Variants in ADGRL2 observed in about 807,000 individuals in gnomAD.
ADGRL2 encodes adhesion G protein-coupled receptor L2.
In ADGRL2, 44 loss-of-function variants were observed where a neutral mutation model predicts 157.4. The ratio of observed to expected loss-of-function variants is 0.28; its 90% CI spans 0.22 to 0.36. ADGRL2 has a LOEUF of 0.36. Among genes scored for constraint, ADGRL2 ranks in the 10% least tolerant of loss-of-function variants. The probability of loss-of-function intolerance (pLI) is 1.00; values close to 1 mark genes in which losing one functional copy is unlikely to be tolerated. For synonymous variants in ADGRL2, 585 were observed against 624.7 expected, an observed-to-expected ratio of 0.94 and a Z score of 0.95; for missense variants, 1,510 against 1,768.9, an observed-to-expected ratio of 0.85 and a Z score of 2.63.
Position 81,694,305 on chromosome 1 carries a change from C to G in ADGRL2, c.-142-67506C>G, listed in dbSNP as rs541997292. 1.9e-4 allele frequency among the ~76,000 whole-genome samples: 29 copies of G among 152,194 alleles called. No homozygotes were observed. The South Asian group carries it at 5.8e-3, about 30-fold the overall frequency. On this transcript the variant is annotated intron_variant, in intron 3 of 24. Transcript: ENST00000370721. Reference sequence around the variant, plus strand: ...CAATCTTGGTTCAATTATTTGCTAGCAGTGTGATCTTGGAAAAGTTACTTA... The same window carrying G: ...CAATCTTGGTTCAATTATTTGCTAGGAGTGTGATCTTGGAAAAGTTACTTA...
chr1:81,715,451 G>C (rs1327992066), intron 1 of ADGRL2, among the ~76,000 whole-genome samples: 1 of 152,150 alleles, frequency 6.6e-6, no homozygotes, highest in African/African-American at 2.4e-5. Flanking sequence ...TTTTCTGTTA[G>C]TGTGTATGTG....
chr1:81,794,707 TTGTTTGGTC>T (rs2087503920), intron 2 of ADGRL2, among the ~76,000 whole-genome samples: 1 of 152,160 alleles, frequency 6.6e-6, no homozygotes, highest in Non-Finnish European at 1.5e-5. Context: ...TATTACATCA[TTGTTTGGTC>T]TAGGATCTAA....
chr1:81,515,905 A>G (rs751052638), intron 2 of ADGRL2, among the ~76,000 whole-genome samples: 1 of 152,054 alleles, frequency 6.6e-6, no homozygotes, highest in Admixed American at 6.5e-5. Flanking sequence ...AGATGGCTGT[A>G]TATAGTTCAT....
rs528239435 is a variant in ADGRL2, at chr1:81,563,766, A to G, written c.-247-17110A>G. Among the ~76,000 whole-genome samples, 20 of 152,346 alleles carry G rather than the reference A, an allele frequency of 1.3e-4. No homozygotes were observed. In the South Asian group the frequency reaches 3.7e-3, roughly 28 times the overall value. On this transcript the variant is annotated intron_variant, in intron 2 of 24. Transcript: ENST00000370721. ...CATAACATCTCAAAACAGGAACATCATATATAAATATAAGTACTGAATTTC... is the reference window on the plus strand; with the variant it reads ...CATAACATCTCAAAACAGGAACATCGTATATAAATATAAGTACTGAATTTC...
chr1:81,846,639 G>T (rs1041379365), intron 2 of ADGRL2, among the ~76,000 whole-genome samples: 1 of 151,828 alleles, frequency 6.6e-6, no homozygotes, highest in African/African-American at 2.4e-5. Flanking sequence ...GTATCTAATT[G>T]TTGTGTGTTT....
intron 3 of ADGRL2, among the ~76,000 whole-genome samples, chr1:81,684,276 C>T (rs1005156749): frequency 2.0e-5 from 3 of 152,162 alleles, no homozygotes; most frequent in East Asian, 1.9e-4. Context: ...CCCTGATCAC[C>T]GTATCCACAT....
intron 1 of ADGRL2, among the ~76,000 whole-genome samples, chr1:81,750,484 C>T (rs1312285360): frequency 2.6e-5 from 4 of 152,102 alleles, no homozygotes; most frequent in Admixed American, 1.3e-4. Flanking sequence ...TTTGGGAGGC[C>T]GATGGGGCTG....
chr1:81,561,707 G>A lies in ADGRL2; in HGVS notation c.-247-19169G>A, dbSNP rs189459799. The stretch of plus-strand genomic sequence containing the variant: ...ACTCCTGACCTCAGGTGATCCACCC[G>A]CCTCGGCCTCCCAAAGTGCTAGGAT... On this transcript the variant is annotated intron_variant, in intron 2 of 24. Coordinates refer to the ADGRL2 transcript ENST00000370721. Among the ~76,000 whole-genome samples, 823 of 151,950 alleles carry A rather than the reference G, an allele frequency of 5.4e-3. 12 individuals are homozygous for A. The highest frequency in any genetic ancestry group is 0.019 in the African/African-American group (783 of 41,454).
chr1:81,824,075 C>G (rs1473077709), intron 1 of ADGRL2, among the ~76,000 whole-genome samples: 1 of 152,068 alleles, frequency 6.6e-6, no homozygotes, highest in Non-Finnish European at 1.5e-5. Context: ...AGCACTTACT[C>G]TCTTAATTAC....
At chr1:81,566,848 C>T (rs936674028) in intron 2 of ADGRL2, among the ~76,000 whole-genome samples, 11 of 151,850 alleles carry the variant, frequency 7.2e-5, no homozygotes, top group African/African-American at 2.4e-4. Flanking sequence ...AAATATTTCT[C>T]GATATTTCAG....
At chr1:81,404,610 A>C (rs2076820816) in intron 1 of ADGRL2, among the ~76,000 whole-genome samples, 1 of 152,220 alleles carries the variant, frequency 6.6e-6, no homozygotes, top group Non-Finnish European at 1.5e-5. Context: ...TAAAGCAATG[A>C]ATAAAATGCT....
intron 1 of ADGRL2, among the ~76,000 whole-genome samples, chr1:81,759,629 T>C (rs891693604): frequency 6.6e-6 from 1 of 152,128 alleles, no homozygotes; most frequent in Non-Finnish European, 1.5e-5. Flanking sequence ...TGTAGATGTT[T>C]AATATTCACC....
chr1:81,487,654 G>A (rs2078537837), intron 2 of ADGRL2, among the ~76,000 whole-genome samples: 1 of 151,948 alleles, frequency 6.6e-6, no homozygotes, highest in African/African-American at 2.4e-5. Context: ...CAAAAAAAAA[G>A]GGGGAGATAT....
In ADGRL2 at chr1:81,942,853, T is replaced by C. The variant is rs762196800; in HGVS notation, c.410-116T>C. On this transcript the variant is annotated intron_variant, in intron 5 of 23. Coordinates refer to ENST00000686636, the MANE Select transcript of ADGRL2 (RefSeq NM_001366006.2). ...TATTTGTATGAAGTATACATTTTGG[T>C]AAAATTGAATGCTAATAATATGAAT... 7.6e-6 allele frequency: 6 copies of C among 790,962 alleles called. No individual in the cohort carries two copies. The East Asian group carries it at 1.2e-4, about 16-fold the overall frequency. 49.0% of individuals were successfully genotyped at this position (790,962 alleles called of 1,614,324 possible).
At chr1:81,664,292 A>G (rs532792425) in intron 3 of ADGRL2, among the ~76,000 whole-genome samples, 30 of 152,276 alleles carry the variant, frequency 2.0e-4, no homozygotes, top group African/African-American at 7.0e-4. Flanking sequence ...AACATCCTAG[A>G]TTTATAATAA....
intron 2 of ADGRL2, among the ~76,000 whole-genome samples, chr1:81,900,446 C>T (rs1284721223): frequency 6.6e-6 from 1 of 152,072 alleles, no homozygotes; most frequent in Admixed American, 6.6e-5. Context: ...AAACCAGTGG[C>T]TTTACTGCCA....
chr1:81,552,213 G>C (rs2080163602), intron 2 of ADGRL2, among the ~76,000 whole-genome samples: 1 of 152,236 alleles, frequency 6.6e-6, no homozygotes, highest in East Asian at 1.9e-4. Context: ...GAGAGTCTCA[G>C]CCTTTTTCTT....
intron 4 of ADGRL2, 115 bp from the exon 5 acceptor site, chr1:81,941,919 C>T: frequency 1.8e-6 from 1 of 562,400 alleles, no homozygotes; most frequent in Non-Finnish European, 3.2e-6. Flanking sequence ...TTAATTCTTC[C>T]TATATTTAGC....
At chr1:81,797,725 G>A (rs1401347676), upstream of ADGRL2, among the ~76,000 whole-genome samples, 6 of 152,068 alleles carry the variant, frequency 3.9e-5, no homozygotes, top group South Asian at 2.1e-4. Context: ...TTAGCATAAC[G>A]TCTGTACCAG....
Sources: allele counts gnomAD v4.1 joint callset (sites outside exome capture counted in the v4.1 genomes callset), GRCh38; gene constraint gnomAD v4.1.1; transcripts MANE v1.5; gene names NCBI Gene and HGNC (gene_info 2026-07-23, HGNC 2026-07-21).